Variants in FHIT observed in about 807,000 individuals in gnomAD.
FHIT encodes the protein fragile histidine triad diadenosine triphosphatase, also known as bis(5'-adenosyl)-triphosphatase.
Under a neutral mutation model 17.9 loss-of-function variants are expected in FHIT, and 19 were observed. The observed-to-expected ratio is 1.06, with a 90% CI of 0.74 to 1.56. FHIT has a LOEUF of 1.56. FHIT is among the 40% of genes most tolerant of loss of function. FHIT has a pLI of 0.00. For synonymous variants in FHIT, 81 were observed against 69.7 expected (o/e 1.16, Z -0.81); for missense variants, 248 against 189.2 (o/e 1.31, Z -1.82).
intron 3 of FHIT, among the ~76,000 whole-genome samples, chr3:61,025,098 G>A (rs958951566): frequency 1.3e-5 from 2 of 152,038 alleles, no homozygotes; most frequent in Non-Finnish European, 2.9e-5. Context: ...ACAGAAAAAT[G>A]ACCAACATAT....
rs546842953 is a variant in FHIT at position 60,790,348 on chromosome 3, A to G, written c.-18+31571T>C. Among the ~76,000 whole-genome samples, 14 of 152,352 alleles carry G rather than the reference A, an allele frequency of 9.2e-5. No homozygotes were observed. In the South Asian group the frequency reaches 2.7e-3, roughly 29 times the overall value. On this transcript the variant is annotated intron_variant, in intron 4 of 9. Transcript: ENST00000492590. ...AACCTTTGCCTATATATTAATACACATTAGATTCAAATATGTCACAACATA... is the reference window on the plus strand; with the variant it reads ...AACCTTTGCCTATATATTAATACACGTTAGATTCAAATATGTCACAACATA...
intron 5 of FHIT, among the ~76,000 whole-genome samples, chr3:60,226,523 T>C (rs1412433619): frequency 6.7e-6 from 1 of 149,582 alleles, no homozygotes; most frequent in Admixed American, 6.7e-5. Context: ...TACTAACATG[T>C]TCTGTAATCC....
chr3:60,125,332 T>G (rs1282238895), intron 5 of FHIT, among the ~76,000 whole-genome samples: 1 of 152,148 alleles, frequency 6.6e-6, no homozygotes, highest in Non-Finnish European at 1.5e-5. Context: ...GCAAATTAAT[T>G]TTTAAAATAC....
At chr3:60,582,737 G>T (rs2037786124) in intron 4 of FHIT, among the ~76,000 whole-genome samples, 1 of 152,050 alleles carries the variant, frequency 6.6e-6, no homozygotes, top group Non-Finnish European at 1.5e-5. Flanking sequence ...ATCCACATAT[G>T]GAAGACCCTG....
rs143477312 is a variant in FHIT at position 60,602,386 on chromosome 3, G to A, written c.-17-65407C>T. Among the ~76,000 whole-genome samples, 541 of 152,256 alleles carry A rather than the reference G, an allele frequency of 3.6e-3. 9 individuals are homozygous for A. The highest frequency in any genetic ancestry group is 0.028 in the Admixed American group (427 of 15,292). ...CATGGAGCAATGTCTAAACTTCAGA[G>A]AAAAAGAAAAGGTGACCCAAGAATG... On this transcript the variant is annotated intron_variant, in intron 4 of 9. Coordinates refer to ENST00000492590, the MANE Select transcript of FHIT (RefSeq NM_002012.4).
intron 7 of FHIT, among the ~76,000 whole-genome samples, chr3:60,007,628 C>A (rs776416066): frequency 1.3e-5 from 2 of 151,946 alleles, no homozygotes; most frequent in Non-Finnish European, 2.9e-5. Flanking sequence ...GAAAGCCTAA[C>A]GAATATATTT....
intron 5 of FHIT, among the ~76,000 whole-genome samples, chr3:60,114,513 T>TTTTTTTTTTTTTTTTTTA (rs1576129505): frequency 7.0e-6 from 1 of 142,510 alleles, no homozygotes; most frequent in Non-Finnish European, 1.5e-5. Context: ...TTTTTTTTTT[T>TTTTTTTTTTTTTTTTTTA]GAGACAAGGT....
intron 7 of FHIT, among the ~76,000 whole-genome samples, chr3:59,981,145 G>C (rs943680146): frequency 2.0e-5 from 3 of 152,114 alleles, no homozygotes; most frequent in African/African-American, 4.8e-5. Context: ...ATTATGCAAA[G>C]TAAAATGGAT....
chr3:59,800,319 T>C (rs1699942837), intron 8 of FHIT, among the ~76,000 whole-genome samples: 1 of 152,188 alleles, frequency 6.6e-6, no homozygotes, highest in Non-Finnish European at 1.5e-5. Flanking sequence ...CTTGTTCTCA[T>C]TCTGGAACTC....
rs142471675 is a variant in FHIT, at chr3:60,057,923, A to G, written c.104-43771T>C. ...AACTCCCTTCTTCTTGGCAATACTCATCATCTCAGTGACTGGTTTTCTGCA... is the reference window on the plus strand; with the variant it reads ...AACTCCCTTCTTCTTGGCAATACTCGTCATCTCAGTGACTGGTTTTCTGCA... On this transcript the variant is annotated intron_variant, in intron 5 of 9. Coordinates refer to ENST00000492590, the MANE Select transcript of FHIT (RefSeq NM_002012.4). Among the ~76,000 whole-genome samples the G allele has an allele frequency of 8.5e-4, 129 of 152,142 alleles. 1 individual carries two copies. Among genetic ancestry groups the G allele is most frequent in the African/African-American group, 3.0e-3 (123 of 41,506 alleles).
chr3:60,684,438 C>T (rs78383216), intron 4 of FHIT, among the ~76,000 whole-genome samples: 1,705 of 152,256 alleles, frequency 0.011, 40 homozygotes, highest in African/African-American at 0.039. Flanking sequence ...TAGCAGAATA[C>T]GGTGTCAAGT....
chr3:61,050,803 A>G (rs1052985140), intron 2 of FHIT, among the ~76,000 whole-genome samples: 1 of 152,198 alleles, frequency 6.6e-6, no homozygotes, highest in South Asian at 2.1e-4. Flanking sequence ...AAGGCACAAG[A>G]TAGGAGTCAG....
chr3:60,624,455 A>G (rs1553680062), intron 4 of FHIT, among the ~76,000 whole-genome samples: 1 of 152,194 alleles, frequency 6.6e-6, no homozygotes, highest in African/African-American at 2.4e-5. Context: ...GGAGAGTCCC[A>G]GCAAAATACA....
At chr3:60,992,073 A>G (rs2030274125) in intron 3 of FHIT, among the ~76,000 whole-genome samples, 1 of 152,242 alleles carries the variant, frequency 6.6e-6, no homozygotes, top group Admixed American at 6.5e-5. Context: ...GAATCTTGAT[A>G]TCATGGATGC....
chr3:60,433,011 C>T (rs369713747), intron 5 of FHIT, among the ~76,000 whole-genome samples: 1 of 151,734 alleles, frequency 6.6e-6, no homozygotes, highest in African/African-American at 2.4e-5. Context: ...ACACATTACA[C>T]AGATCATCTC....
intron 2 of FHIT, among the ~76,000 whole-genome samples, chr3:61,071,289 T>C (rs958988397): frequency 6.6e-6 from 1 of 152,194 alleles, no homozygotes; most frequent in African/African-American, 2.4e-5. Flanking sequence ...CTCTCACACA[T>C]TGTTGTTGGA....
chr3:61,000,364 A>G (rs2030987276), intron 3 of FHIT, among the ~76,000 whole-genome samples: 1 of 152,172 alleles, frequency 6.6e-6, no homozygotes, highest in Non-Finnish European at 1.5e-5. Context: ...TTAAGCTTTT[A>G]ATCTTAGACA....
chr3:60,810,624 A>G (rs1295927152), intron 4 of FHIT, among the ~76,000 whole-genome samples: 1 of 152,210 alleles, frequency 6.6e-6, no homozygotes, highest in Non-Finnish European at 1.5e-5. Flanking sequence ...GTATTGGCAA[A>G]GCTGTCACTA....
chr3:60,563,073 A>G (rs564946525), intron 4 of FHIT, among the ~76,000 whole-genome samples: 5 of 152,280 alleles, frequency 3.3e-5, no homozygotes, highest in African/African-American at 1.2e-4. Context: ...AATATGTTCT[A>G]CGTGAAACTT....
Sources: gnomAD v4.1 joint callset for allele counts (sites outside exome capture counted in the v4.1 genomes callset) on GRCh38, gnomAD v4.1.1 for gene constraint, MANE v1.5 for transcripts, NCBI Gene and HGNC (gene_info 2026-07-23, HGNC 2026-07-21) for gene names.